The following PLA2G5 variants were observed in gnomAD, a reference collection of about 807,000 sequenced individuals.
The protein encoded by PLA2G5 is phospholipase A2 group V.
PLA2G5 carries 12 observed loss-of-function variants against 15.9 expected under a neutral mutation model. The ratio of observed to expected loss-of-function variants is 0.76; its 90% CI spans 0.48 to 1.23. The LOEUF (loss-of-function observed/expected upper bound fraction) is 1.23. Ranked by LOEUF, PLA2G5 falls within the 50% of genes most tolerant of loss-of-function variation. The pLI is 0.00. For missense variants in PLA2G5, 169 were observed against 177.1 expected, an observed-to-expected ratio of 0.95 and a Z score of 0.26; for synonymous variants, 71 against 71.4, an observed-to-expected ratio of 0.99 and a Z score of 0.03.
At chr1:20,047,380 T>C (rs1481983800) in intron 1 of PLA2G5, among the ~76,000 whole-genome samples, 7 of 149,964 alleles carry the variant, frequency 4.7e-5, no homozygotes, top group African/African-American at 1.5e-4. Flanking sequence ...GGGAAACAAA[T>C]GATGTAAGAA....
chr1:20,060,270 T>TTTTTTTG (rs1557735724), intron 2 of PLA2G5, among the ~76,000 whole-genome samples: 1 of 135,244 alleles, frequency 7.4e-6, no homozygotes, highest in African/African-American at 2.9e-5. Flanking sequence ...TTTTTTTTTT[T>TTTTTTTG]TGAGACAGAG....
intron 1 of PLA2G5, among the ~76,000 whole-genome samples, chr1:20,038,603 C>A (rs2013410063): frequency 2.0e-5 from 3 of 152,048 alleles, no homozygotes; most frequent in African/African-American, 7.2e-5. Context: ...AACAACATAA[C>A]AAGACCCCAT....
chr1:20,066,434 A>T (rs2015032817), upstream of PLA2G5, among the ~76,000 whole-genome samples: 2 of 152,206 alleles, frequency 1.3e-5, no homozygotes, highest in South Asian at 4.1e-4. Context: ...TTCTTTTCCC[A>T]GCTCCACATT....
At chr1:20,038,888 G>A (rs2013429814) in intron 1 of PLA2G5, among the ~76,000 whole-genome samples, 1 of 152,182 alleles carries the variant, frequency 6.6e-6, no homozygotes, top group South Asian at 2.1e-4. Flanking sequence ...CAGCGTCAAG[G>A]GCTTTTGGAG....
At chr1:20,076,608 G>A (rs2015698231) in intron 1 of PLA2G5, among the ~76,000 whole-genome samples, 1 of 152,124 alleles carries the variant, frequency 6.6e-6, no homozygotes, top group Admixed American at 6.5e-5. Flanking sequence ...CTTACACGTT[G>A]GGATCATAAT....
rs547593246 is a variant in PLA2G5 at position 20,029,646 on chromosome 1, C to T, written n.276+937C>T. Among the ~76,000 whole-genome samples, 5 of 152,246 alleles carry T rather than the reference C, an allele frequency of 3.3e-5. No individual in the cohort carries two copies. The South Asian group carries it at 6.2e-4, about 19-fold the overall frequency. The stretch of plus-strand genomic sequence containing the variant: ...GGACCATGCCTTCCTCTACCCAGCA[C>T]GTCCCTTCTCCCCTTCCATATCATT... On this transcript the variant is annotated intron_variant and non_coding_transcript_variant, in intron 1 of 6. Transcript: ENST00000460175.
intron 2 of PLA2G5, among the ~76,000 whole-genome samples, chr1:20,062,245 A>T (rs544225338): frequency 1.3e-5 from 2 of 152,242 alleles, no homozygotes; most frequent in Admixed American, 6.5e-5. Context: ...GGCCTAATAC[A>T]GAGGCTGTCT....
At chr1:20,078,736 G>A (rs2015835792) in intron 1 of PLA2G5, among the ~76,000 whole-genome samples, 1 of 152,070 alleles carries the variant, frequency 6.6e-6, no homozygotes, top group Non-Finnish European at 1.5e-5. Context: ...CTTAAGGAGG[G>A]GCTTCTCTCT....
chr1:20,039,980 A>G (rs1039643058), intron 1 of PLA2G5, among the ~76,000 whole-genome samples: 3 of 152,202 alleles, frequency 2.0e-5, no homozygotes, highest in Non-Finnish European at 4.4e-5. Flanking sequence ...AAGAACCACA[A>G]TGGACTGGTA....
At chr1:20,029,633 C>T (rs936097822) in intron 1 of PLA2G5, among the ~76,000 whole-genome samples, 4 of 152,174 alleles carry the variant, frequency 2.6e-5, no homozygotes, top group Non-Finnish European at 5.9e-5. Context: ...ACCATGCCTT[C>T]CTCTACCCAG....
Position 20,070,429 on chromosome 1 carries a change from A to G in PLA2G5, c.-47A>G, listed in dbSNP as rs2015300616. 9 of 985,476 alleles carry G rather than the reference A, an allele frequency of 9.1e-6. No homozygotes were observed. The highest frequency in any genetic ancestry group is 9.6e-6 in the Non-Finnish European group (8 of 829,952). The allele number at this position is 985,476 out of a possible 1,614,324, so 61.0% of individuals were successfully genotyped here. A position where few individuals can be genotyped will look rare whatever the true frequency, so the allele number is the denominator to read the frequency against. On this transcript the variant is annotated 5_prime_UTR_variant, in exon 1 of 5. Transcript: ENST00000375108. ...GCCCAAGGAAGTTGCTCATGGGAGC[A>G]GACCTCTAGAGCAGGATTTGAGGCC...
intron 1 of PLA2G5, among the ~76,000 whole-genome samples, chr1:20,032,398 G>C (rs1255558278): frequency 6.6e-6 from 1 of 151,820 alleles, no homozygotes; most frequent in Non-Finnish European, 1.5e-5. Flanking sequence ...TGTCCATCCA[G>C]AGAATGTATC....
At chr1:20,078,768 A>G (rs1341119357) in intron 1 of PLA2G5, among the ~76,000 whole-genome samples, 1 of 152,086 alleles carries the variant, frequency 6.6e-6, no homozygotes, top group African/African-American at 2.4e-5. Context: ...GACAAGAGAG[A>G]GGGAGAGAAA....
chr1:20,047,068 A>G (rs1021469909), intron 1 of PLA2G5, among the ~76,000 whole-genome samples: 6 of 152,126 alleles, frequency 3.9e-5, no homozygotes, highest in African/African-American at 1.4e-4. Flanking sequence ...GCCTTGTGGG[A>G]GTGTCTGGGG....
intron 1 of PLA2G5, among the ~76,000 whole-genome samples, chr1:20,028,927 G>A (rs2012717190): frequency 6.6e-6 from 1 of 152,222 alleles, no homozygotes; most frequent in African/African-American, 2.4e-5. Flanking sequence ...TGGGCAGGCT[G>A]TGGGGCTCTG....
chr1:20,091,736 A>T lies in PLA2G5; in HGVS notation c.*1044A>T, dbSNP rs2016563449. On this transcript the variant is annotated 3_prime_UTR_variant, in exon 5 of 5. Coordinates refer to ENST00000375108, the MANE Select transcript of PLA2G5 (RefSeq NM_000929.3). ...AAAGAAAGGATGTTCTGATACCAAG[A>T]CTGAAAGAAGAAAGGATGTATTCCA... Among the ~76,000 whole-genome samples, 1 of 152,164 alleles carries T rather than the reference A, an allele frequency of 6.6e-6. No homozygotes were observed. Among genetic ancestry groups the T allele is most frequent in the South Asian group, 2.1e-4 (1 of 4,822 alleles).
chr1:20,057,217 T>A (rs2100441729), intron 1 of PLA2G5, among the ~76,000 whole-genome samples: 1 of 152,238 alleles, frequency 6.6e-6, no homozygotes, highest in Admixed American at 6.5e-5. Context: ...CATTGATTTC[T>A]ACTCTAATTT....
chr1:20,050,437 G>C (rs2100401760), intron 1 of PLA2G5, among the ~76,000 whole-genome samples: 1 of 152,300 alleles, frequency 6.6e-6, no homozygotes, highest in East Asian at 1.9e-4. Context: ...GATAAAATAA[G>C]TTCAGTTTCT....
rs374253669 is a variant in PLA2G5, at chr1:20,088,232, C to T, written c.186-1557C>T. ...ATTATCTGGGCATGGTGGCACATGCCTGTAATCCCAGCTACTCAGGAGGCT... is the reference window on the plus strand; with the variant it reads ...ATTATCTGGGCATGGTGGCACATGCTTGTAATCCCAGCTACTCAGGAGGCT... On this transcript the variant is annotated intron_variant, in intron 3 of 4. Coordinates refer to ENST00000375108, the MANE Select transcript of PLA2G5 (RefSeq NM_000929.3). 9.8e-5 allele frequency among the ~76,000 whole-genome samples: 15 copies of T among 152,316 alleles called. No individual in the cohort carries two copies. The East Asian group carries it at 2.3e-3, about 24-fold the overall frequency.
Sources: gnomAD v4.1 joint callset for allele counts (sites outside exome capture counted in the v4.1 genomes callset) on GRCh38, gnomAD v4.1.1 for gene constraint, MANE v1.5 for transcripts, NCBI Gene and HGNC (gene_info 2026-07-23, HGNC 2026-07-21) for gene names.